PRKCB: variants seen among roughly 807,000 people sequenced by gnomAD.
PRKCB encodes the protein protein kinase C beta, also known as protein kinase C beta type.
Under a neutral mutation model 81.5 loss-of-function variants are expected in PRKCB, and 13 were observed. The ratio of observed to expected loss-of-function variants is 0.16; its 90% CI spans 0.10 to 0.25. PRKCB has a LOEUF of 0.25. Ranked by LOEUF, PRKCB falls within the 10% of genes least tolerant of loss-of-function variation. The pLI is 1.00. For missense variants in PRKCB, 509 were observed against 875.7 expected, an observed-to-expected ratio of 0.58 and a Z score of 5.29; for synonymous variants, 335 against 321.4, an observed-to-expected ratio of 1.04 and a Z score of -0.45.
Position 24,200,968 on chromosome 16 carries a change from G to A in PRKCB, c.1863+9738G>A, listed in dbSNP as rs758535702. Among the ~76,000 whole-genome samples the A allele has an allele frequency of 9.3e-4, 142 of 152,002 alleles. 2 individuals are homozygous for A. Among genetic ancestry groups the A allele is most frequent in the Non-Finnish European group, 2.1e-4 (14 of 67,980 alleles). ...ATACTGGTCCATGGCCCAGGGATTG[G>A]GGATCCCTGCCCTAAATCGTGAGGA... On this transcript the variant is annotated intron_variant, in intron 16 of 16. Transcript: ENST00000643927.
intron 2 of PRKCB, among the ~76,000 whole-genome samples, chr16:23,879,319 T>C (rs1963067547): frequency 6.6e-6 from 1 of 151,856 alleles, no homozygotes; most frequent in Non-Finnish European, 1.5e-5. Context: ...AGTGGGAAAG[T>C]GGTTTTCTTT....
intron 5 of PRKCB, among the ~76,000 whole-genome samples, chr16:24,051,501 T>C (rs915038403): frequency 1.8e-4 from 28 of 152,198 alleles, no homozygotes; most frequent in African/African-American, 6.8e-4. Flanking sequence ...AGTTCTTTAC[T>C]GTCTCTAGGA....
rs150278362 is a variant in PRKCB at position 24,044,511 on chromosome 16, T to C, written c.529+8964T>C. On this transcript the variant is annotated intron_variant, in intron 5 of 16. Transcript: ENST00000643927. ...TTTTCTATAGGTATATTATACTTCC[T>C]ATACTTTTATTATTTAAAAGTTTGT... Among the ~76,000 whole-genome samples the C allele has an allele frequency of 6.9e-3, 1,050 of 152,368 alleles. 8 individuals are homozygous for C. The highest frequency in any genetic ancestry group is 0.023 in the African/African-American group (959 of 41,574).
At chr16:23,839,551 G>A (rs927433219) in intron 2 of PRKCB, among the ~76,000 whole-genome samples, 2 of 152,146 alleles carry the variant, frequency 1.3e-5, no homozygotes, top group African/African-American at 2.4e-5. Context: ...GGGATTATAG[G>A]TGTGAGCCAC....
intron 5 of PRKCB, among the ~76,000 whole-genome samples, chr16:24,067,569 G>A (rs1335850128): frequency 6.6e-6 from 1 of 152,084 alleles, no homozygotes; most frequent in East Asian, 1.9e-4. Flanking sequence ...AAAGTGCTGA[G>A]ATTACAGGCA....
intron 2 of PRKCB, among the ~76,000 whole-genome samples, chr16:23,864,069 G>A (rs180751509): frequency 6.6e-6 from 1 of 152,156 alleles, no homozygotes; most frequent in African/African-American, 2.4e-5. Flanking sequence ...TTTGTAGGGC[G>A]ACTAACATGA....
At chr16:23,986,929 A>G (rs896673836) in intron 2 of PRKCB, among the ~76,000 whole-genome samples, 3 of 152,306 alleles carry the variant, frequency 2.0e-5, no homozygotes, top group Admixed American at 2.0e-4. Context: ...ATCCATAAAG[A>G]TGTTAATGTA....
intron 5 of PRKCB, among the ~76,000 whole-genome samples, chr16:24,045,218 G>T (rs1317542842): frequency 6.6e-6 from 1 of 152,156 alleles, no homozygotes; most frequent in Non-Finnish European, 1.5e-5. Flanking sequence ...TGCCCCAAAT[G>T]ATGGGGTGTT....
intron 5 of PRKCB, among the ~76,000 whole-genome samples, chr16:24,049,061 T>G (rs985256555): frequency 5.0e-5 from 7 of 141,204 alleles, no homozygotes; most frequent in South Asian, 4.8e-4. Context: ...TTTTTTTTTT[T>G]TTTTTTTTTT....
chr16:24,182,858 A>G (rs1967646128), intron 13 of PRKCB, among the ~76,000 whole-genome samples: 1 of 58,472 alleles, frequency 1.7e-5, no homozygotes, highest in Non-Finnish European at 3.1e-5. Flanking sequence ...ATGCTTGGGC[A>G]TCCCACATTG....
At chr16:24,189,503 A>C (rs1256557868) in intron 15 of PRKCB, among the ~76,000 whole-genome samples, 1 of 151,820 alleles carries the variant, frequency 6.6e-6, no homozygotes, top group African/African-American at 2.4e-5. Flanking sequence ...TTAGCTGGGC[A>C]TGGTGGTGGG....
intron 3 of PRKCB, among the ~76,000 whole-genome samples, chr16:23,998,270 A>G (rs963075806): frequency 6.6e-6 from 1 of 152,164 alleles, no homozygotes; most frequent in Non-Finnish European, 1.5e-5. Flanking sequence ...ATTGGACTAA[A>G]CTATACCCCT....
chr16:23,953,746 C>T (rs533290661), intron 2 of PRKCB, among the ~76,000 whole-genome samples: 1 of 152,258 alleles, frequency 6.6e-6, no homozygotes, highest in East Asian at 1.9e-4. Context: ...TCAACATATT[C>T]ATTGAGTATT....
At position 24,185,310 on chromosome 16, in the gene PRKCB, G is replaced by T. The variant is rs17847877; in HGVS notation, c.1614+119G>T. 6 of 1,221,538 alleles carry T rather than the reference G, an allele frequency of 4.9e-6. No homozygotes were observed. The East Asian group carries it at 1.4e-4, about 29-fold the overall frequency. 75.7% of individuals were successfully genotyped at this position (1,221,538 alleles called of 1,614,324 possible). ...AATTGGAACCTCTATGACTTTCCCG[G>T]CCTTGGGGTCATACAAGTCTGTGGT... On this transcript the variant is annotated intron_variant, in intron 14 of 16. Transcript: ENST00000643927.
intron 2 of PRKCB, among the ~76,000 whole-genome samples, chr16:23,955,872 C>T (rs1443875912): frequency 1.3e-5 from 2 of 152,184 alleles, no homozygotes; most frequent in Non-Finnish European, 2.9e-5. Flanking sequence ...GTGTCATCTC[C>T]TCTTCATTCA....
At chr16:24,046,938 C>T (rs1965773815) in intron 5 of PRKCB, among the ~76,000 whole-genome samples, 1 of 152,124 alleles carries the variant, frequency 6.6e-6, no homozygotes, top group Non-Finnish European at 1.5e-5. Flanking sequence ...GGTGTGGTAG[C>T]ATGTGGCTAT....
intron 2 of PRKCB, among the ~76,000 whole-genome samples, chr16:23,843,614 G>A (rs901045573): frequency 4.6e-5 from 7 of 151,722 alleles, no homozygotes; most frequent in African/African-American, 1.7e-4. Flanking sequence ...TTTGTCACTG[G>A]GCAACAGAAT....
intron 2 of PRKCB, among the ~76,000 whole-genome samples, chr16:23,879,482 C>CTTTT (rs546638229): frequency 1.2e-5 from 1 of 83,198 alleles, no homozygotes; most frequent in Non-Finnish European, 2.2e-5. Context: ...TTTAGCTATC[C>CTTTT]TTTTTTTTTT....
intron 3 of PRKCB, among the ~76,000 whole-genome samples, chr16:24,011,572 AG>A (rs1397696669): frequency 6.6e-6 from 1 of 152,162 alleles, no homozygotes; most frequent in Non-Finnish European, 1.5e-5. Flanking sequence ...GCCAGAGTTC[AG>A]TGGTGCAATC....
Sources: allele counts gnomAD v4.1 joint callset (sites outside exome capture counted in the v4.1 genomes callset), GRCh38; gene constraint gnomAD v4.1.1; transcripts MANE v1.5; gene names NCBI Gene and HGNC (gene_info 2026-07-23, HGNC 2026-07-21).